Variants in DPP6 observed in about 807,000 individuals in gnomAD.
DPP6 encodes the protein A-type potassium channel modulatory protein DPP6.
A neutral mutation model predicts 122.6 loss-of-function variants in DPP6; 69 were observed. The observed-to-expected ratio is 0.56, with a 90% CI of 0.46 to 0.69. The LOEUF is 0.69. Ranked by LOEUF, DPP6 falls within the 30% of genes least tolerant of loss-of-function variation. The probability of loss-of-function intolerance (pLI) is 0.00; values close to 1 mark genes in which losing one functional copy is unlikely to be tolerated. For missense variants in DPP6, 928 were observed against 1,116.9 expected (o/e 0.83, Z 2.41); for synonymous variants, 418 against 433.1 (o/e 0.97, Z 0.43).
At chr7:154,332,965 C>G (rs1187349022) in intron 1 of DPP6, among the ~76,000 whole-genome samples, 1 of 152,080 alleles carries the variant, frequency 6.6e-6, no homozygotes, top group African/African-American at 2.4e-5. Flanking sequence ...ATCTCAGGCG[C>G]GGGAGGCTCG....
intron 17 of DPP6, among the ~76,000 whole-genome samples, chr7:154,866,130 T>C (rs894866977): frequency 2.0e-5 from 3 of 152,130 alleles, no homozygotes; most frequent in African/African-American, 7.2e-5. Context: ...GCAAGGAAGA[T>C]TTCAAACACA....
At chr7:153,930,793 T>A (rs1254138976) in intron 1 of DPP6, among the ~76,000 whole-genome samples, 1 of 152,136 alleles carries the variant, frequency 6.6e-6, no homozygotes, top group Non-Finnish European at 1.5e-5. Flanking sequence ...ACCTGGGATA[T>A]GTTGTAAGGA....
At chr7:154,670,434 C>A (rs1838485338) in intron 7 of DPP6, among the ~76,000 whole-genome samples, 1 of 152,256 alleles carries the variant, frequency 6.6e-6, no homozygotes, top group Admixed American at 6.5e-5. Context: ...CGCTGTCAGG[C>A]TGTAGGCAGC....
intron 1 of DPP6, among the ~76,000 whole-genome samples, chr7:154,101,844 C>T (rs1489164663): frequency 6.8e-6 from 1 of 146,588 alleles, no homozygotes; most frequent in Non-Finnish European, 1.5e-5. Context: ...GAGAGAATCA[C>T]TTGAACCTGG....
intron 7 of DPP6, among the ~76,000 whole-genome samples, chr7:154,671,452 A>G (rs961048910): frequency 6.6e-6 from 1 of 152,186 alleles, no homozygotes; most frequent in Non-Finnish European, 1.5e-5. Context: ...TCTTTCCACC[A>G]TACCTGCGGC....
At chr7:154,125,734 A>G (rs1807832705) in intron 1 of DPP6, among the ~76,000 whole-genome samples, 1 of 152,134 alleles carries the variant, frequency 6.6e-6, no homozygotes, top group South Asian at 2.1e-4. Flanking sequence ...GGGTGAAGAT[A>G]ATGGGTTCAC....
chr7:154,444,907 G>T (rs770562925), intron 1 of DPP6, among the ~76,000 whole-genome samples: 3 of 152,196 alleles, frequency 2.0e-5, no homozygotes, highest in Non-Finnish European at 4.4e-5. Context: ...GTTCTAAAAA[G>T]CTACTCTCTG....
upstream of DPP6, among the ~76,000 whole-genome samples, chr7:153,885,520 C>T (rs1387147248): frequency 6.6e-6 from 1 of 152,138 alleles, no homozygotes; most frequent in Non-Finnish European, 1.5e-5. Flanking sequence ...CATCTGTGAA[C>T]CAGAAATCAG....
intron 1 of DPP6, among the ~76,000 whole-genome samples, chr7:154,390,952 T>C (rs920910370): frequency 7.2e-5 from 11 of 152,194 alleles, no homozygotes; most frequent in African/African-American, 2.4e-4. Flanking sequence ...CCACCGTTTC[T>C]AACCATGTGA....
At position 154,876,222 on chromosome 7, in the gene DPP6, T is replaced by C. The variant is rs1804843811; in HGVS notation, c.2078+122T>C. ...CGCACACATTTTTCATGCAATTTGCTCTTACCTAAAATCTCTTGGCCATTC... is the reference window on the plus strand; with the variant it reads ...CGCACACATTTTTCATGCAATTTGCCCTTACCTAAAATCTCTTGGCCATTC... On this transcript the variant is annotated intron_variant, in intron 20 of 25. Coordinates refer to ENST00000377770, the MANE Select transcript of DPP6 (RefSeq NM_130797.4). The C allele has an allele frequency of 4.4e-6, 6 of 1,355,892 alleles. No homozygotes were observed. The African/African-American group carries it at 4.4e-5, about 10-fold the overall frequency. The allele number at this position is 1,355,892 out of a possible 1,614,324, so 84.0% of individuals were successfully genotyped here.
chr7:153,930,531 C>T (rs1801124678), intron 1 of DPP6, among the ~76,000 whole-genome samples: 2 of 152,130 alleles, frequency 1.3e-5, no homozygotes, highest in Admixed American at 6.5e-5. Flanking sequence ...AATATACATA[C>T]ACTGTGTAAT....
intron 1 of DPP6, among the ~76,000 whole-genome samples, chr7:154,178,517 G>GA (rs58383279): frequency 0.23 from 31,785 of 139,648 alleles, 3,946 homozygotes; most frequent in East Asian, 0.36. Context: ...AAAAAATCCT[G>GA]AAAAAAAAAA....
intron 1 of DPP6, among the ~76,000 whole-genome samples, chr7:154,287,833 C>T (rs1804954339): frequency 6.6e-6 from 1 of 152,158 alleles, no homozygotes; most frequent in South Asian, 2.1e-4. Context: ...GGAAGGTTGT[C>T]CTGAGATGTT....
intron 1 of DPP6, among the ~76,000 whole-genome samples, chr7:153,959,378 G>T (rs1054495124): frequency 6.6e-6 from 1 of 152,106 alleles, no homozygotes; most frequent in Non-Finnish European, 1.5e-5. Flanking sequence ...CTATTTTGGA[G>T]GGACTCAAAC....
At chr7:154,017,717 AAT>A (rs1798492011) in intron 1 of DPP6, among the ~76,000 whole-genome samples, 1 of 121,134 alleles carries the variant, frequency 8.3e-6, no homozygotes, top group African/African-American at 4.0e-5. Flanking sequence ...ATAAAAAAAA[AAT>A]AAAAAAATAA....
chr7:153,840,257 A>C, the DPP6 span, among the ~76,000 whole-genome samples: 8 of 152,200 alleles, frequency 5.3e-5, no homozygotes, highest in Non-Finnish European at 1.2e-4. Flanking sequence ...GAGAAAAAAA[A>C]CATACTGTGC....
At chr7:154,106,922 G>A (rs1391607021) in intron 1 of DPP6, among the ~76,000 whole-genome samples, 3 of 152,136 alleles carry the variant, frequency 2.0e-5, no homozygotes, top group Non-Finnish European at 4.4e-5. Flanking sequence ...AAAAGTGAAT[G>A]TGGACCATAA....
chr7:154,063,925 T>G (rs1585295653), intron 1 of DPP6, among the ~76,000 whole-genome samples: 1 of 151,534 alleles, frequency 6.6e-6, no homozygotes, highest in Admixed American at 6.6e-5. Context: ...TCGGGAAGCC[T>G]CCAGGGACAG....
chr7:154,214,299 G>C (rs1384111532), intron 1 of DPP6, among the ~76,000 whole-genome samples: 1 of 152,218 alleles, frequency 6.6e-6, no homozygotes, highest in Non-Finnish European at 1.5e-5. Flanking sequence ...GTTTGAAATA[G>C]TGATGTAAGA....
Sources: allele counts gnomAD v4.1 joint callset (sites outside exome capture counted in the v4.1 genomes callset), GRCh38; gene constraint gnomAD v4.1.1; transcripts MANE v1.5; gene names NCBI Gene and HGNC (gene_info 2026-07-23, HGNC 2026-07-21).